Variants in ADAMTS5 observed in about 807,000 individuals in gnomAD.
ADAMTS5 encodes the protein A disintegrin and metalloproteinase with thrombospondin motifs 5.
Under a neutral mutation model 81.4 loss-of-function variants are expected in ADAMTS5, and 54 were observed. The observed-to-expected ratio is 0.66, with a 90% CI of 0.53 to 0.83. The LOEUF is 0.83. ADAMTS5 is among the 40% of genes least tolerant of loss of function. The pLI is 0.00. For missense variants in ADAMTS5, 1,194 were observed against 1,229.9 expected (o/e 0.97, Z 0.44); for synonymous variants, 532 against 508.8 (o/e 1.05, Z -0.61).
chr21:26,950,924 T>C (rs1179799836), intron 2 of ADAMTS5, among the ~76,000 whole-genome samples: 1 of 152,114 alleles, frequency 6.6e-6, no homozygotes, highest in African/African-American at 2.4e-5. Flanking sequence ...GGTGTAATCA[T>C]AGCTCATTTT....
intron 1 of ADAMTS5, among the ~76,000 whole-genome samples, chr21:26,960,270 G>A (rs1215437355): frequency 6.6e-6 from 1 of 152,170 alleles, no homozygotes; most frequent in Non-Finnish European, 1.5e-5. Flanking sequence ...CCACTACTTA[G>A]ACCAGAAGGT....
At chr21:26,931,876 TA>T in intron 6 of ADAMTS5, 127 bp downstream of exon 6, 2 of 887,664 alleles carry the variant, frequency 2.3e-6, no homozygotes, top group Non-Finnish European at 1.6e-6. Flanking sequence ...GAGATGAAAA[TA>T]AAAACCTTCC....
intron 1 of ADAMTS5, among the ~76,000 whole-genome samples, chr21:26,963,874 C>T (rs962464472): frequency 2.0e-5 from 3 of 152,074 alleles, no homozygotes; most frequent in African/African-American, 7.2e-5. Flanking sequence ...CGCTGCTTGG[C>T]TCTCCCTAAA....
Position 26,959,616 on chromosome 21 carries a change from T to C in ADAMTS5, c.1105-4745A>G, listed in dbSNP as rs575490690. Among the ~76,000 whole-genome samples, 3 of 152,302 alleles carry C rather than the reference T, an allele frequency of 2.0e-5. No homozygotes were observed. In the East Asian group the frequency reaches 5.8e-4, roughly 29 times the overall value. On this transcript the variant is annotated intron_variant, in intron 1 of 7. Transcript: ENST00000284987. ...AAATAAAGAATATCCTGGTTTTCTC[T>C]CTATGCTGTGTTGGAAAAACTAGAT...
Position 26,965,638 on chromosome 21 carries a change from G to A in ADAMTS5, c.754C>T (p.Pro252Ser). The change falls in exon 1 of 8, where the codon CCG becomes TCG. Residue 252 changes from proline (P) to serine (S), a missense_variant. By Grantham distance (74) the Pro-to-Ser change is moderately conservative. Transcript: ENST00000284987. ...SALSPAGGSG[P>S]QTWWRRRRRS... is the part of the protein sequence containing the mutation. ...CGCCGCCGCCGCCACCACGTCTGCG[G>A]TCCTGAGCCCCCAGCGGGCGAGAGA... 6.3e-7 allele frequency: 1 copy of A among 1,597,582 alleles called. No homozygotes were observed.
chr21:26,965,156 T>C, intron 1 of ADAMTS5, 132 bp downstream of exon 1: 3 of 1,351,824 alleles, frequency 2.2e-6, no homozygotes, highest in Non-Finnish European at 3.0e-6. Flanking sequence ...CTGGTTGGAT[T>C]TCCTGCAAGA....
chr21:26,966,145 C>G lies in ADAMTS5; in HGVS notation c.247G>C (p.Gly83Arg), dbSNP rs201223638. The change falls in exon 1 of 8, where the codon GGC (glycine) becomes CGC (arginine). Residue 83 changes from glycine to arginine, a missense_variant. By Grantham distance (125) the Gly-to-Arg change is moderately radical. Coordinates refer to ENST00000284987, the MANE Select transcript of ADAMTS5 (RefSeq NM_007038.5). ...LVQNIDQLYS[G>R]GGKVGYLVYA... is the part of the protein sequence containing the mutation. ...ACGAGGTAGCCCACCTTGCCGCCGC[C>G]GGAGTAGAGTTGGTCGATGTTCTGC... is the stretch of plus-strand genomic sequence containing the variant. 2 of 1,611,804 alleles carry G rather than the reference C, an allele frequency of 1.2e-6. No individual in the cohort carries two copies. Among genetic ancestry groups the G allele is most frequent in the Non-Finnish European group, 1.7e-6 (2 of 1,179,394 alleles).
intron 3 of ADAMTS5, among the ~76,000 whole-genome samples, chr21:26,941,436 C>CTCTT (rs1987112864): frequency 6.6e-6 from 1 of 151,980 alleles, no homozygotes; most frequent in Non-Finnish European, 1.5e-5. Context: ...AGAGCATAGA[C>CTCTT]TCTTTTAAAT....
chr21:26,939,994 T>G (rs1408287010), intron 3 of ADAMTS5, among the ~76,000 whole-genome samples: 1 of 152,224 alleles, frequency 6.6e-6, no homozygotes, highest in Non-Finnish European at 1.5e-5. Flanking sequence ...ACGCTGGTTT[T>G]TCAACCATAA....
chr21:26,960,386 T>C (rs1987506652), intron 1 of ADAMTS5, among the ~76,000 whole-genome samples: 2 of 152,068 alleles, frequency 1.3e-5, no homozygotes, highest in South Asian at 4.1e-4. Context: ...CATGGTGGAG[T>C]AGACTGAATT....
rs574515461 is a variant in ADAMTS5, at chr21:26,934,490, G to A, written c.1665C>T (p.Asp555=). The change falls in exon 4 of 8, where the codon GAC becomes GAT. Residue 555 remains aspartate (D), a synonymous_variant. Transcript: ENST00000284987. ...CTGAATAATATTTTTTCTTGGTTTT[G>A]TCCACACATTTGCCCTGCAGGCAGA... ...GRICLQGKCV[D]KTKKKYYSTS... 4.3e-6 allele frequency: 7 copies of A among 1,614,006 alleles called. No individual in the cohort carries two copies. In the African/African-American group the frequency reaches 9.3e-5, roughly 22 times the overall value.
intron 6 of ADAMTS5, 149 bp downstream of exon 6, chr21:26,931,855 T>C (rs1986913081): frequency 3.2e-6 from 2 of 618,090 alleles, no homozygotes; most frequent in South Asian, 3.8e-5. Flanking sequence ...TTTGAAAATA[T>C]AGAAGTTATA....
chr21:26,925,892 C>T (rs932548214), intron 7 of ADAMTS5, among the ~76,000 whole-genome samples: 3 of 152,196 alleles, frequency 2.0e-5, no homozygotes, highest in East Asian at 1.9e-4. Context: ...ATGCTCAGGG[C>T]GTTCCTTATT....
rs1382896802 is a variant in ADAMTS5 at position 26,966,613 on chromosome 21, T to C, written c.-222A>G. Reference sequence around the variant, plus strand: ...TTGCTTGGGAAAATGTTTGGATTCGTGCTCCAGAAAGAGGTGGGGTGGGGG... The same window carrying C: ...TTGCTTGGGAAAATGTTTGGATTCGCGCTCCAGAAAGAGGTGGGGTGGGGG... On this transcript the variant is annotated 5_prime_UTR_variant, in exon 1 of 8. Transcript: ENST00000284987. The C allele has an allele frequency of 6.3e-5, 6 of 95,834 alleles. No individual in the cohort carries two copies. Among genetic ancestry groups the C allele is most frequent in the Non-Finnish European group, 9.1e-5 (5 of 55,160 alleles). 5.9% of individuals were successfully genotyped at this position (95,834 alleles called of 1,614,324 possible).
chr21:26,940,773 A>G (rs1987100211), intron 3 of ADAMTS5, among the ~76,000 whole-genome samples: 1 of 152,094 alleles, frequency 6.6e-6, no homozygotes, highest in African/African-American at 2.4e-5. Context: ...TTGTTATTCT[A>G]TCATCTTGGA....
In ADAMTS5 at chr21:26,932,962, T is replaced by C. The variant is rs766228033; in HGVS notation, c.1772A>G (p.Tyr591Cys). The change falls in exon 5 of 8, where the codon TAT becomes TGT. Residue 591 changes from tyrosine (Y) to cysteine (C), a missense_variant. By Grantham distance (194) the Tyr-to-Cys change is radical (BLOSUM62 -2). This residue lies in a region of ADAMTS5 where 696 missense variants were observed against 817.6 expected (regional missense o/e 0.85). Coordinates refer to ENST00000284987, the MANE Select transcript of ADAMTS5 (RefSeq NM_007038.5). Reference sequence around the variant, plus strand: ...GGGAGCAGGGTTATTACAGTGACGATAGGCAAACTGCACTCCTCCTCCACA... The same window carrying C: ...GGGAGCAGGGTTATTACAGTGACGACAGGCAAACTGCACTCCTCCTCCACA... ...RSCGGGVQFA[Y>C]RHCNNPAPRN... 2 of 1,613,870 alleles carry C rather than the reference T, an allele frequency of 1.2e-6. No homozygotes were observed. The highest frequency in any genetic ancestry group is 2.2e-5 in the East Asian group (1 of 44,864).
intron 2 of ADAMTS5, among the ~76,000 whole-genome samples, chr21:26,946,874 AAGAG>A (rs1437686284): frequency 1.3e-5 from 2 of 152,196 alleles, no homozygotes; most frequent in Non-Finnish European, 2.9e-5. Context: ...CCCTTGGAAA[AAGAG>A]AAAGAGTTCT....
At chr21:26,954,696 CA>C (rs1402559549) in intron 2 of ADAMTS5, 42 bp downstream of exon 2, 2 of 1,606,630 alleles carry the variant, frequency 1.2e-6, no homozygotes, top group Non-Finnish European at 1.7e-6. Flanking sequence ...GCAGCTGTTA[CA>C]AGTGTTTGAT....
chr21:26,961,982 C>T (rs1987537938), intron 1 of ADAMTS5, among the ~76,000 whole-genome samples: 2 of 152,090 alleles, frequency 1.3e-5, no homozygotes, highest in South Asian at 4.1e-4. Context: ...GCAGAATGTA[C>T]AGAGTTTTAG....
Sources: gnomAD v4.1 joint callset for allele counts (sites outside exome capture counted in the v4.1 genomes callset) on GRCh38, gnomAD v4.1.1 for gene constraint, gnomAD v4.1.1 regional missense constraint, MANE v1.5 for transcripts, NCBI Gene and HGNC (gene_info 2026-07-23, HGNC 2026-07-21) for gene names.